Variants in CAPN14 observed in about 807,000 individuals in gnomAD.
CAPN14 encodes the protein calpain-14.
A neutral mutation model predicts 101.3 loss-of-function variants in CAPN14; 94 were observed. The ratio of observed to expected loss-of-function variants is 0.93; its 90% CI spans 0.79 to 1.10. The LOEUF (loss-of-function observed/expected upper bound fraction) is 1.10, where lower values mean the gene tolerates loss of function less well. Among genes scored for constraint, CAPN14 ranks in the 50% least tolerant of loss-of-function variants. The pLI is 0.00. For missense variants in CAPN14, 837 were observed against 828.4 expected, an observed-to-expected ratio of 1.01 and a Z score of -0.13; for synonymous variants, 338 against 317.9, an observed-to-expected ratio of 1.06 and a Z score of -0.67.
Position 31,177,066 on chromosome 2 carries a change from G to T in CAPN14, c.1932C>A (p.Val644=). ...CACGCAGCATCAAGTGGATGAAACT[G>T]ACAAAGTCCATCTGGAGGCGGGGGC... is the stretch of plus-strand genomic sequence containing the variant. ...YGGPRLQMDF[V]SFIHLMLRVE... Residue 644 remains valine (V), a synonymous_variant, in exon 20 of 22, where the codon GTC becomes GTA. Transcript: ENST00000403897. 1.9e-6 allele frequency: 3 copies of T among 1,551,498 alleles called. No individual in the cohort carries two copies. In the South Asian group the frequency reaches 3.6e-5, roughly 18 times the overall value.
At chr2:31,202,552 T>A (rs1402751972) in intron 3 of CAPN14, among the ~76,000 whole-genome samples, 1 of 152,154 alleles carries the variant, frequency 6.6e-6, no homozygotes, top group Admixed American at 6.5e-5. Context: ...ACTCACTTTT[T>A]CCAAATCTTG....
Position 31,230,335 on chromosome 2 carries a change from T to G in CAPN14, c.-177+3456A>C, listed in dbSNP as rs1182018369. On this transcript the variant is annotated intron_variant and NMD_transcript_variant, in intron 1 of 21. Coordinates refer to the CAPN14 transcript ENST00000398824. The surrounding 1 kb of genome is among the most constrained non-coding windows in gnomAD (Gnocchi z 4.3). Reference sequence around the variant, plus strand: ...TCAACATTCTTAAGACTTATCTCCCTATGCACATGTGCAAGAGTTTCTCTA... The same window carrying G: ...TCAACATTCTTAAGACTTATCTCCCGATGCACATGTGCAAGAGTTTCTCTA... Among the ~76,000 whole-genome samples, 1 of 152,248 alleles carries G rather than the reference T, an allele frequency of 6.6e-6. No individual in the cohort carries two copies. Among genetic ancestry groups the G allele is most frequent in the African/African-American group, 2.4e-5 (1 of 41,472 alleles).
At chr2:31,232,470 C>G (rs1467796123) in intron 1 of CAPN14, among the ~76,000 whole-genome samples, 5 of 152,184 alleles carry the variant, frequency 3.3e-5, no homozygotes, top group Non-Finnish European at 2.9e-5. Flanking sequence ...GAAGAAATAC[C>G]TAAGACTGGG....
chr2:31,191,231 C>T (rs546667249), intron 12 of CAPN14, among the ~76,000 whole-genome samples, 168 bp downstream of exon 12: 2 of 152,086 alleles, frequency 1.3e-5, no homozygotes, highest in Non-Finnish European at 2.9e-5. Context: ...AACAGATGCA[C>T]TTTACTTTCA....
intron 11 of CAPN14, 21 bp from the exon 12 acceptor site, chr2:31,191,428 C>CATA: frequency 7.0e-7 from 1 of 1,426,116 alleles, no homozygotes; most frequent in Non-Finnish European, 9.1e-7. Flanking sequence ...AAAACAAAAA[C>CATA]AGAAAAAAAA....
rs542409944 is a variant in CAPN14 at position 31,189,765 on chromosome 2, G to C, written c.1288-287C>G. On this transcript the variant is annotated intron_variant, in intron 12 of 21. Transcript: ENST00000403897. ...ACTAAATGATGTGAGGAATGTCCCTGTGCCTTCCATTTTATGGCTGAGGGC... is the reference window on the plus strand; with the variant it reads ...ACTAAATGATGTGAGGAATGTCCCTCTGCCTTCCATTTTATGGCTGAGGGC... 5.1e-4 allele frequency: 263 copies of C among 514,292 alleles called. 2 individuals are homozygous for C. Among genetic ancestry groups the C allele is most frequent in the African/African-American group, 4.4e-3 (231 of 52,604 alleles). The allele number at this position is 514,292 out of a possible 1,614,324, so 31.9% of individuals were successfully genotyped here. A position where few individuals can be genotyped will look rare whatever the true frequency, so the allele number is the denominator to read the frequency against.
intron 21 of CAPN14, among the ~76,000 whole-genome samples, chr2:31,176,352 G>A (rs1680282955): frequency 6.6e-6 from 1 of 152,226 alleles, no homozygotes; most frequent in South Asian, 2.1e-4. Context: ...TGGCATTATT[G>A]CAATCAGAGT....
At chr2:31,198,629 T>C (rs901232885) in intron 7 of CAPN14, among the ~76,000 whole-genome samples, 1 of 152,174 alleles carries the variant, frequency 6.6e-6, no homozygotes, top group East Asian at 1.9e-4. Flanking sequence ...ACCAACATAG[T>C]TGTTGGAGAT....
chr2:31,189,123 C>T lies in CAPN14; in HGVS notation c.1493+150G>A, dbSNP rs1572401305. 3.4e-5 allele frequency: 23 copies of T among 677,986 alleles called. No homozygotes were observed. In the East Asian group the frequency reaches 5.4e-4, roughly 16 times the overall value. 42.0% of individuals were successfully genotyped at this position (677,986 alleles called of 1,614,324 possible). A position where few individuals can be genotyped will look rare whatever the true frequency, so the allele number is the denominator to read the frequency against. On this transcript the variant is annotated intron_variant, in intron 13 of 21. Coordinates refer to ENST00000403897, the MANE Select transcript of CAPN14 (RefSeq NM_001145122.2). ...GGGAAGGAACGGGAGGGATGTTCTC[C>T]ATGCAGAAAGTCACCTGGTCTCCTG...
intron 6 of CAPN14, 87 bp downstream of exon 6, chr2:31,200,364 C>A: frequency 1.6e-6 from 2 of 1,262,370 alleles, no homozygotes; most frequent in Non-Finnish European, 2.2e-6. Flanking sequence ...AGGCCCTGAG[C>A]CCACACCCAG....
At chr2:31,191,329 A>T in intron 12 of CAPN14, 70 bp downstream of exon 12, 1 of 1,449,762 alleles carries the variant, frequency 6.9e-7, no homozygotes, top group South Asian at 1.3e-5. Context: ...GTCTAACTAA[A>T]TCCTGTGGAG....
At chr2:31,220,220 AAT>A (rs1310529648), upstream of CAPN14, among the ~76,000 whole-genome samples, 1 of 152,006 alleles carries the variant, frequency 6.6e-6, no homozygotes, top group Non-Finnish European at 1.5e-5. Flanking sequence ...TGAGGAATAA[AAT>A]AGAGTACTGA....
intron 1 of CAPN14, among the ~76,000 whole-genome samples, chr2:31,205,792 G>T (rs752353239): frequency 6.6e-6 from 1 of 151,968 alleles, no homozygotes; most frequent in East Asian, 1.9e-4. Flanking sequence ...ATGTCACGGG[G>T]GTCCCTTCTG....
At chr2:31,202,468 G>A (rs78711778) in intron 3 of CAPN14, among the ~76,000 whole-genome samples, 3,677 of 152,244 alleles carry the variant, frequency 0.024, 42 homozygotes, top group Middle Eastern at 0.037. Flanking sequence ...ATGTTCCTGG[G>A]CCAGATTTTA....
chr2:31,181,428 TTC>T (rs748779947), intron 16 of CAPN14, among the ~76,000 whole-genome samples: 22 of 149,152 alleles, frequency 1.5e-4, no homozygotes, highest in African/African-American at 5.2e-4. Context: ...CTTTCTTTCT[TTC>T]TTTCTTTCTT....
upstream of CAPN14, among the ~76,000 whole-genome samples, chr2:31,217,746 G>A (rs552492971): frequency 1.3e-5 from 2 of 152,144 alleles, no homozygotes; most frequent in African/African-American, 4.8e-5. Flanking sequence ...GAGAGAGTTA[G>A]TCATCTTCTC....
At position 31,193,126 on chromosome 2, in the gene CAPN14, C is replaced by T. The variant is rs753554914; in HGVS notation, c.1114+5G>A. The T allele has an allele frequency of 1.3e-6, 2 of 1,548,708 alleles. No homozygotes were observed. Among genetic ancestry groups the T allele is most frequent in the South Asian group, 2.4e-5 (2 of 84,016 alleles). On this transcript the variant is annotated splice_donor_5th_base_variant and intron_variant, in intron 10 of 21. Transcript: ENST00000403897. Reference sequence around the variant, plus strand: ...TGAGAGCCCTGCTCCTGTGCACATGCTCACCCTGCAGCAACTGCCTCTGGC... The same window carrying T: ...TGAGAGCCCTGCTCCTGTGCACATGTTCACCCTGCAGCAACTGCCTCTGGC...
chr2:31,205,922 C>G (rs1682050647), intron 1 of CAPN14, among the ~76,000 whole-genome samples: 1 of 152,064 alleles, frequency 6.6e-6, no homozygotes, highest in African/African-American at 2.4e-5. Context: ...CTCCACCAGG[C>G]CTGCCAACTC....
intron 1 of CAPN14, among the ~76,000 whole-genome samples, chr2:31,232,656 G>A (rs868629890): frequency 2.6e-5 from 4 of 152,148 alleles, no homozygotes; most frequent in African/African-American, 4.8e-5. Flanking sequence ...CAGCTCTCAC[G>A]AGAACTCACT....
Sources: gnomAD v4.1 joint callset for allele counts (sites outside exome capture counted in the v4.1 genomes callset) on GRCh38, gnomAD v4.1.1 for gene constraint, Gnocchi (gnomAD v3.1) non-coding constraint, MANE v1.5 for transcripts, NCBI Gene and HGNC (gene_info 2026-07-23, HGNC 2026-07-21) for gene names.